SNX27: variants seen among roughly 807,000 people sequenced by gnomAD.
SNX27 encodes sorting nexin-27.
Under a neutral mutation model 71.6 loss-of-function variants are expected in SNX27, and 22 were observed. The observed-to-expected ratio is 0.31, with a 90% CI of 0.22 to 0.44. The LOEUF is 0.44. Ranked by LOEUF, SNX27 falls within the 20% of genes least tolerant of loss-of-function variation. The pLI is 1.00. For synonymous variants in SNX27, 269 were observed against 277.2 expected, an observed-to-expected ratio of 0.97 and a Z score of 0.29; for missense variants, 531 against 698.6, an observed-to-expected ratio of 0.76 and a Z score of 2.70.
At chr1:151,685,916 T>C (rs1414617919) in intron 8 of SNX27, among the ~76,000 whole-genome samples, 2 of 152,212 alleles carry the variant, frequency 1.3e-5, no homozygotes, top group Non-Finnish European at 2.9e-5. Context: ...GGCAGAATTT[T>C]GGTTAGGAGA....
intron 1 of SNX27, chr1:151,614,215 T>A (rs1571746031): frequency 1.3e-5 from 2 of 152,108 alleles, no homozygotes; most frequent in Admixed American, 6.5e-5. Flanking sequence ...CCTAGGCCAG[T>A]GTTTGGAGAC....
intron 2 of SNX27, among the ~76,000 whole-genome samples, chr1:151,656,075 T>C (rs1401976505): frequency 6.6e-6 from 1 of 151,820 alleles, no homozygotes; most frequent in Admixed American, 6.6e-5. Flanking sequence ...TACAAAAAAT[T>C]AGCCGGCCAT....
intron 6 of SNX27, chr1:151,666,679 T>C (rs1670201993): frequency 6.6e-6 from 1 of 152,186 alleles, no homozygotes; most frequent in African/African-American, 2.4e-5. Flanking sequence ...ATAGATAATA[T>C]TGGTTGATTA....
chr1:151,683,435 A>T lies in SNX27; in HGVS notation c.1229A>T (p.Lys410Ile). The T allele has an allele frequency of 1.9e-6, 3 of 1,613,140 alleles. No homozygotes were observed. Among genetic ancestry groups the T allele is most frequent in the Non-Finnish European group, 2.5e-6 (3 of 1,179,586 alleles). ...YQLQKLYEQR[K>I]MVMYLNMLRT... ...TTACAGAAGCTATACGAACAAAGAA[A>T]AATGGTCATGGTAAGTTTATGTCCC... The change falls in exon 8 of 12, where the codon AAA becomes ATA. Residue 410 changes from lysine to isoleucine, a missense_variant. Physicochemically the swap from Lys to Ile is moderately radical, Grantham distance 102. Coordinates refer to ENST00000458013, the MANE Select transcript of SNX27 (RefSeq NM_001330723.2).
At chr1:151,682,026 ACTGT>A (rs1670990012) in intron 7 of SNX27, among the ~76,000 whole-genome samples, 1 of 152,170 alleles carries the variant, frequency 6.6e-6, no homozygotes, top group South Asian at 2.1e-4. Flanking sequence ...TGCCTATATC[ACTGT>A]CTGTACCATA....
intron 8 of SNX27, among the ~76,000 whole-genome samples, chr1:151,687,005 A>G (rs1228837441): frequency 6.6e-6 from 1 of 152,244 alleles, no homozygotes; most frequent in Non-Finnish European, 1.5e-5. Flanking sequence ...CATAGTTTAT[A>G]ATACCCAGTG....
Position 151,612,741 on chromosome 1 carries a change from T to G in SNX27, c.311+229T>G, listed in dbSNP as rs1464914821. ...CTCCCACCCCGTCGTCTCCAGCTGA[T>G]GCCCTTGCGCCCCCAGTGCTCCTCC... On this transcript the variant is annotated intron_variant, in intron 1 of 11. Coordinates refer to ENST00000458013, the MANE Select transcript of SNX27 (RefSeq NM_001330723.2). The surrounding 1 kb of genome is among the most constrained non-coding windows in gnomAD (Gnocchi z 5.2). Among the ~76,000 whole-genome samples, 2 of 152,046 alleles carry G rather than the reference T, an allele frequency of 1.3e-5. No individual in the cohort carries two copies. Among genetic ancestry groups the G allele is most frequent in the Non-Finnish European group, 2.9e-5 (2 of 67,998 alleles).
chr1:151,620,474 C>G (rs535303805), intron 1 of SNX27, among the ~76,000 whole-genome samples: 3 of 151,836 alleles, frequency 2.0e-5, no homozygotes, highest in Non-Finnish European at 4.4e-5. Context: ...ACACCCAGAA[C>G]TGGGAACAGC....
chr1:151,684,162 T>C (rs1671088572), intron 8 of SNX27, among the ~76,000 whole-genome samples: 1 of 152,214 alleles, frequency 6.6e-6, no homozygotes, highest in Admixed American at 6.5e-5. Context: ...CTGCAGTTGC[T>C]TAAACATTTA....
intron 8 of SNX27, among the ~76,000 whole-genome samples, 170 bp from the exon 9 acceptor site, chr1:151,692,265 A>G (rs763787998): frequency 8.5e-5 from 13 of 152,054 alleles, no homozygotes; most frequent in Non-Finnish European, 1.6e-4. Flanking sequence ...TCCTTTCCCA[A>G]CTTAGAGATG....
intron 1 of SNX27, among the ~76,000 whole-genome samples, chr1:151,613,626 C>T (rs1197640073): frequency 6.6e-6 from 1 of 151,888 alleles, no homozygotes. Context: ...TGCTGCAGTC[C>T]CTCCCCCTTC....
chr1:151,697,408 T>A lies in SNX27; in HGVS notation c.*2991T>A, dbSNP rs564440265. The stretch of plus-strand genomic sequence containing the variant: ...TGGGTAGATGGTGTTATGTTCCCTT[T>A]CTGGCATAGCATTCACTTGGTGCTT... On this transcript the variant is annotated 3_prime_UTR_variant, in exon 12 of 12. Transcript: ENST00000458013. The A allele has an allele frequency of 5.6e-4, 85 of 152,658 alleles. No individual in the cohort carries two copies. Among genetic ancestry groups the A allele is most frequent in the Admixed American group, 5.5e-3 (84 of 15,306 alleles). The allele number at this position is 152,658 out of a possible 1,614,324, so 9.5% of individuals were successfully genotyped here.
intron 5 of SNX27, chr1:151,662,815 AACAC>A (rs574076276): frequency 6.6e-6 from 1 of 152,284 alleles, no homozygotes; most frequent in Non-Finnish European, 1.5e-5. Context: ...AAAAAACCAT[AACAC>A]ACATGAAAAC....
At chr1:151,665,084 C>T (rs1261190515) in intron 5 of SNX27, among the ~76,000 whole-genome samples, 2 of 152,026 alleles carry the variant, frequency 1.3e-5, no homozygotes, top group Admixed American at 6.6e-5. Flanking sequence ...TACTAATAAT[C>T]AACAGTTTTA....
chr1:151,627,077 T>C (rs1200902139), intron 1 of SNX27, among the ~76,000 whole-genome samples: 19 of 152,234 alleles, frequency 1.2e-4, no homozygotes, highest in Non-Finnish European at 2.9e-5. Flanking sequence ...AATTTGTGTG[T>C]GTATATTAAC....
At chr1:151,659,164 G>C (rs1669840497) in intron 3 of SNX27, among the ~76,000 whole-genome samples, 1 of 152,184 alleles carries the variant, frequency 6.6e-6, no homozygotes, top group Non-Finnish European at 1.5e-5. Flanking sequence ...TAGGTTTGCT[G>C]AGTTGTAGGT....
In SNX27 at chr1:151,662,128, C is replaced by G. The variant is rs760529902; in HGVS notation, c.802-38C>G. The G allele has an allele frequency of 9.0e-6, 13 of 1,442,972 alleles. No homozygotes were observed. In the South Asian group the frequency reaches 1.4e-4, roughly 15 times the overall value. The allele number at this position is 1,442,972 out of a possible 1,614,324, so 89.4% of individuals were successfully genotyped here. A position where few individuals can be genotyped will look rare whatever the true frequency, so the allele number is the denominator to read the frequency against. Reference sequence around the variant, plus strand: ...TTGTTACAGGGAGAGTGAAGATATACTGGGCCATAAATTATTTCTCTATGT... The same window carrying G: ...TTGTTACAGGGAGAGTGAAGATATAGTGGGCCATAAATTATTTCTCTATGT... On this transcript the variant is annotated intron_variant, in intron 4 of 11. Transcript: ENST00000458013.
chr1:151,619,099 G>A (rs1667558883), intron 1 of SNX27, among the ~76,000 whole-genome samples: 1 of 151,982 alleles, frequency 6.6e-6, no homozygotes, highest in Admixed American at 6.6e-5. Context: ...CCAGCACTTT[G>A]GGAAGCCGAG....
chr1:151,689,031 TAAG>T (rs1671319656), intron 8 of SNX27, among the ~76,000 whole-genome samples: 1 of 152,136 alleles, frequency 6.6e-6, no homozygotes, highest in Non-Finnish European at 1.5e-5. Flanking sequence ...CTTATGCCAT[TAAG>T]AAGTCCCCTG....
Sources: allele counts gnomAD v4.1 joint callset (sites outside exome capture counted in the v4.1 genomes callset), GRCh38; gene constraint gnomAD v4.1.1; non-coding constraint Gnocchi (gnomAD v3.1); transcripts MANE v1.5; gene names NCBI Gene and HGNC (gene_info 2026-07-23, HGNC 2026-07-21).